The following DISC1 variants were observed in gnomAD, a reference collection of about 807,000 sequenced individuals.
The protein encoded by DISC1 is disrupted in schizophrenia 1 protein.
A neutral mutation model predicts 84.5 loss-of-function variants in DISC1; 57 were observed. That is an observed-to-expected ratio of 0.67 (90% CI 0.55 to 0.84). DISC1 has a LOEUF of 0.84. Ranked by LOEUF, DISC1 falls within the 40% of genes least tolerant of loss-of-function variation. DISC1 has a pLI of 0.00. For synonymous variants in DISC1, 411 were observed against 415.2 expected (o/e 0.99, Z 0.12); for missense variants, 1,000 against 1,057.8 (o/e 0.95, Z 0.76).
Position 231,694,291 on chromosome 1 carries a change from C to G in DISC1, c.533C>G (p.Pro178Arg). 1 of 1,614,260 alleles carries G rather than the reference C, an allele frequency of 6.2e-7. No individual in the cohort carries two copies. Residue 178 changes from proline to arginine, a missense_variant, in exon 2 of 13, where the codon CCA becomes CGA. Physicochemically the swap from Pro to Arg is moderately radical, Grantham distance 103 (BLOSUM62 -2). Transcript: ENST00000439617. ...ARRVRAAGSL[P>R]SAELSSNSCS... ...CGTGTCCGGGCAGCAGGCTCTCTGCCATCAGCAGAGTTGAGTAGCAACAGC... is the reference window on the plus strand; with the variant it reads ...CGTGTCCGGGCAGCAGGCTCTCTGCGATCAGCAGAGTTGAGTAGCAACAGC...
rs1429653492 is a variant in DISC1 at position 232,037,263 on chromosome 1, T to G, written c.*432T>G. ...AAAGGAAACCAAGCATAAGACTCTG[T>G]CATCATACCTGTTACACGTTCCTAC... On this transcript the variant is annotated 3_prime_UTR_variant, in exon 13 of 13. Coordinates refer to ENST00000439617, the MANE Select transcript of DISC1 (RefSeq NM_018662.3). The G allele has an allele frequency of 6.5e-6, 1 of 152,680 alleles. No individual in the cohort carries two copies. Among genetic ancestry groups the G allele is most frequent in the Non-Finnish European group, 1.5e-5 (1 of 68,376 alleles). 9.5% of individuals were successfully genotyped at this position (152,680 alleles called of 1,614,324 possible).
At chr1:231,827,082 G>A (rs901378087) in intron 9 of DISC1, among the ~76,000 whole-genome samples, 2 of 151,964 alleles carry the variant, frequency 1.3e-5, no homozygotes, top group African/African-American at 4.8e-5. Context: ...TCCACCTCCC[G>A]GGTTCAGGCA....
chr1:231,670,200 G>A (rs1035638495), intron 1 of DISC1, among the ~76,000 whole-genome samples: 2 of 152,082 alleles, frequency 1.3e-5, no homozygotes, highest in African/African-American at 4.8e-5. Context: ...TGCACACTAG[G>A]GCCTATTGAA....
intron 1 of DISC1, among the ~76,000 whole-genome samples, chr1:231,674,228 G>T (rs996563132): frequency 3.3e-5 from 5 of 151,904 alleles, no homozygotes; most frequent in African/African-American, 1.2e-4. Context: ...GATTATGTCA[G>T]ATTTGTCAAG....
At chr1:231,889,954 C>G (rs2087076996) in intron 9 of DISC1, among the ~76,000 whole-genome samples, 1 of 152,128 alleles carries the variant, frequency 6.6e-6, no homozygotes, top group Non-Finnish European at 1.5e-5. Flanking sequence ...GGGTTGTGCT[C>G]AAAAGACTTA....
chr1:231,716,144 C>T (rs201451569), intron 3 of DISC1, among the ~76,000 whole-genome samples: 5 of 151,804 alleles, frequency 3.3e-5, no homozygotes, highest in Non-Finnish European at 7.4e-5. Flanking sequence ...TACCCGCTAC[C>T]CCCGGGTGCT....
intron 3 of DISC1, among the ~76,000 whole-genome samples, chr1:231,726,841 T>C (rs951067045): frequency 2.0e-5 from 3 of 152,188 alleles, no homozygotes; most frequent in Admixed American, 6.5e-5. Flanking sequence ...TCTAGAAATA[T>C]CATATCCATA....
At chr1:231,704,725 A>C (rs2066828601) in intron 3 of DISC1, among the ~76,000 whole-genome samples, 1 of 133,012 alleles carries the variant, frequency 7.5e-6, no homozygotes, top group Non-Finnish European at 1.5e-5. Flanking sequence ...GCGCCACTGC[A>C]CTCCAGCCTG....
chr1:231,677,423 A>G (rs1328698865), intron 1 of DISC1, among the ~76,000 whole-genome samples: 1 of 152,206 alleles, frequency 6.6e-6, no homozygotes, highest in African/African-American at 2.4e-5. Context: ...AAATTCCAAA[A>G]TGTTATCGGA....
rs768658770 is a variant in DISC1, at chr1:231,693,827, C to G, written c.69C>G (p.Gly23=). 12 of 1,613,304 alleles carry G rather than the reference C, an allele frequency of 7.4e-6. No individual in the cohort carries two copies. The South Asian group carries it at 1.3e-4, about 18-fold the overall frequency. The change falls in exon 2 of 13, where the codon GGC becomes GGG. Residue 23 remains glycine (G), a splice_region_variant and synonymous_variant. Transcript: ENST00000439617. The part of the protein sequence containing the change: ...AGGGGVSHRA[G]SRDCLPPAAC... ...TGCTGTTTTTTCTTTTCTTCCCAGG[C>G]AGCCGGGATTGCTTACCACCTGCAG...
intron 9 of DISC1, among the ~76,000 whole-genome samples, chr1:231,908,143 G>A (rs1162338421): frequency 2.6e-5 from 4 of 152,214 alleles, no homozygotes; most frequent in African/African-American, 7.2e-5. Context: ...CACTCTGATG[G>A]TAGTTTCTTT....
At chr1:231,913,203 T>C (rs1380769316) in intron 9 of DISC1, among the ~76,000 whole-genome samples, 1 of 152,260 alleles carries the variant, frequency 6.6e-6, no homozygotes, top group East Asian at 1.9e-4. Context: ...TCGCATGCTT[T>C]GTCCCTCTGC....
At position 231,897,589 on chromosome 1, in the gene DISC1, C is replaced by T. The variant is rs34415717; in HGVS notation, c.1982-61239C>T. On this transcript the variant is annotated intron_variant, in intron 9 of 12. Coordinates refer to ENST00000439617, the MANE Select transcript of DISC1 (RefSeq NM_018662.3). This position sits in a 1 kb window ranked among gnomAD's most constrained non-coding sequence, Gnocchi z 4.5. ...TGAAAAACTTTGCGGCAGCATTTTACAGCCATTTATTGTAGAGTCTGTTGC... is the reference window on the plus strand; with the variant it reads ...TGAAAAACTTTGCGGCAGCATTTTATAGCCATTTATTGTAGAGTCTGTTGC... Among the ~76,000 whole-genome samples the T allele has an allele frequency of 0.013, 2,002 of 152,180 alleles. 26 individuals carry two copies. The highest frequency in any genetic ancestry group is 0.019 in the Non-Finnish European group (1,267 of 68,010).
Position 231,960,733 on chromosome 1 carries a change from TC to T in DISC1, c.2042+1847del, listed in dbSNP as rs538014132. 1.6e-3 allele frequency among the ~76,000 whole-genome samples: 248 copies of T among 152,262 alleles called. 1 individual carries two copies. Among genetic ancestry groups the T allele is most frequent in the African/African-American group, 5.8e-3 (239 of 41,552 alleles). On this transcript the variant is annotated intron_variant, in intron 10 of 12. Transcript: ENST00000439617. ...TTCTGCTGCAGATACCAGCTGGGTG[TC>T]CTCTAACTCATTTCCGACACCAGCT... is the stretch of plus-strand genomic sequence containing the variant.
intron 1 of DISC1, among the ~76,000 whole-genome samples, chr1:231,667,133 T>C (rs1572667240): frequency 6.6e-6 from 1 of 152,242 alleles, no homozygotes; most frequent in East Asian, 1.9e-4. Context: ...CTACTACCCC[T>C]TAAAAGAAGG....
intron 10 of DISC1, 146 bp from the exon 11 acceptor site, chr1:232,008,639 C>A: frequency 9.9e-7 from 1 of 1,012,702 alleles, no homozygotes; most frequent in Non-Finnish European, 1.4e-6. Context: ...GATGAATCTT[C>A]TAGTTGAAAT....
intron 9 of DISC1, among the ~76,000 whole-genome samples, chr1:231,830,494 A>G (rs2082142561): frequency 6.6e-6 from 1 of 152,202 alleles, no homozygotes; most frequent in African/African-American, 2.4e-5. Context: ...TTTACTTCAA[A>G]AGTTAAGAGC....
rs34325068 is a variant in DISC1 at position 231,920,905 on chromosome 1, A to ATT, written c.1982-37905_1982-37904dup. Among the ~76,000 whole-genome samples the ATT allele has an allele frequency of 7.0e-3, 785 of 112,904 alleles. 13 individuals are homozygous for ATT. The highest frequency in any genetic ancestry group is 0.014 in the Middle Eastern group (3 of 210). The allele number at this position is 112,904 out of a possible 152,430, so 74.1% of individuals were successfully genotyped here. On this transcript the variant is annotated intron_variant, in intron 9 of 12. Transcript: ENST00000439617. ...ACCACTGCCCTAGGACTGAACTGCT[A>ATT]TTTTTTTTTTTTTTTTTTTGAGATG...
chr1:231,916,610 C>T (rs1447650251), intron 9 of DISC1, among the ~76,000 whole-genome samples: 1 of 148,210 alleles, frequency 6.7e-6, no homozygotes, highest in Admixed American at 6.7e-5. Context: ...AGCCGAGATC[C>T]CGCCACTGCA....
Sources: allele counts gnomAD v4.1 joint callset (sites outside exome capture counted in the v4.1 genomes callset), GRCh38; gene constraint gnomAD v4.1.1; non-coding constraint Gnocchi (gnomAD v3.1); transcripts MANE v1.5; gene names NCBI Gene and HGNC (gene_info 2026-07-23, HGNC 2026-07-21).